INO80D: variants seen among roughly 807,000 people sequenced by gnomAD.
INO80D encodes INO80 complex subunit D.
In INO80D, 21 loss-of-function variants were observed where a neutral mutation model predicts 87.6. The ratio of observed to expected loss-of-function variants is 0.24; its 90% CI spans 0.17 to 0.35. The LOEUF is 0.35. INO80D is among the 10% of genes least tolerant of loss of function. INO80D has a pLI of 1.00. For synonymous variants in INO80D, 440 were observed against 491.0 expected (o/e 0.90, Z 1.37); for missense variants, 982 against 1,280.7 (o/e 0.77, Z 3.56).
rs1046064247 is a variant in INO80D at position 206,085,027 on chromosome 2, G to A, written c.-124+874C>T. 5.3e-5 allele frequency among the ~76,000 whole-genome samples: 8 copies of A among 152,032 alleles called. No homozygotes were observed. The highest frequency in any genetic ancestry group is 1.2e-4 in the Non-Finnish European group (8 of 67,994). On this transcript the variant is annotated intron_variant, in intron 1 of 10. Coordinates refer to ENST00000403263, the MANE Select transcript of INO80D (RefSeq NM_017759.5). This position sits in a 1 kb window ranked among gnomAD's most constrained non-coding sequence, Gnocchi z 4.5. ...GGGGAGTTGGGTGGGGCGCGGGCGA[G>A]GGGTGCAGGGGCGGAGTACCTTCTT...
At chr2:206,048,701 C>T (rs1689264072) in intron 4 of INO80D, among the ~76,000 whole-genome samples, 1 of 152,112 alleles carries the variant, frequency 6.6e-6, no homozygotes, top group African/African-American at 2.4e-5. Flanking sequence ...AGAGACCAGC[C>T]TGGGTAACAC....
rs1331698857 is a variant in INO80D at position 206,078,485 on chromosome 2, C to A, written c.-124+7416G>T. Among the ~76,000 whole-genome samples, 10 of 152,262 alleles carry A rather than the reference C, an allele frequency of 6.6e-5. No homozygotes were observed. In the Middle Eastern group the frequency reaches 0.014, roughly 207 times the overall value. ...AATACCTTAATTGTTTTCATGTCAG[C>A]AGCTCCTTTAAACTTTTGAACATAT... On this transcript the variant is annotated intron_variant, in intron 1 of 10. Coordinates refer to ENST00000403263, the MANE Select transcript of INO80D (RefSeq NM_017759.5).
chr2:206,083,799 A>G (rs1251417654), intron 1 of INO80D, among the ~76,000 whole-genome samples: 1 of 144,158 alleles, frequency 6.9e-6, no homozygotes, highest in Non-Finnish European at 1.5e-5. Context: ...CCTGCCAGCA[A>G]CTCCAGCCTG....
chr2:206,067,644 G>T (rs1054313345), intron 1 of INO80D, among the ~76,000 whole-genome samples: 1 of 152,044 alleles, frequency 6.6e-6, no homozygotes, highest in Non-Finnish European at 1.5e-5. Flanking sequence ...TTTAAATTTA[G>T]CTGCCCTGGA....
chr2:206,060,799 AT>A (rs891738302), intron 3 of INO80D, among the ~76,000 whole-genome samples: 3 of 152,048 alleles, frequency 2.0e-5, no homozygotes, highest in Non-Finnish European at 2.9e-5. Flanking sequence ...ACCTCAGGTG[AT>A]CCACCCACCT....
At chr2:206,051,572 C>A (rs1689372091) in intron 4 of INO80D, among the ~76,000 whole-genome samples, 1 of 152,066 alleles carries the variant, frequency 6.6e-6, no homozygotes, top group African/African-American at 2.4e-5. Flanking sequence ...TCCAAAATAG[C>A]AGTTCTGAAA....
rs1267307194 is a variant in INO80D at position 205,999,693 on chromosome 2, T to C, written c.*4675A>G. 1 of 152,216 alleles carries C rather than the reference T, an allele frequency of 6.6e-6. No homozygotes were observed. The highest frequency in any genetic ancestry group is 1.9e-4 in the East Asian group (1 of 5,198). 9.4% of individuals were successfully genotyped at this position (152,216 alleles called of 1,614,324 possible). The stretch of plus-strand genomic sequence containing the variant: ...ATAACTATTCATTTATGTTTTATGT[T>C]TTCTTTCCTAATTCATTAGTCAGGG... On this transcript the variant is annotated 3_prime_UTR_variant, in exon 11 of 11. Transcript: ENST00000403263.
intron 3 of INO80D, among the ~76,000 whole-genome samples, chr2:206,060,564 C>CT (rs375906117): frequency 0.3 from 43,504 of 143,232 alleles, 6,866 homozygotes; most frequent in Admixed American, 0.37. Context: ...CAACTTAGTG[C>CT]TTTTTTTTTT....
rs1209896288 is a variant in INO80D, at chr2:206,004,220, C to T, written c.*148G>A. 4.2e-6 allele frequency: 3 copies of T among 720,324 alleles called. No individual in the cohort carries two copies. The African/African-American group carries it at 5.3e-5, about 13-fold the overall frequency. 44.6% of individuals were successfully genotyped at this position (720,324 alleles called of 1,614,324 possible). On this transcript the variant is annotated 3_prime_UTR_variant, in exon 11 of 11. Coordinates refer to ENST00000403263, the MANE Select transcript of INO80D (RefSeq NM_017759.5). The surrounding 1 kb of genome is among the most constrained non-coding windows in gnomAD (Gnocchi z 4.9). ...GTGAACACTGTAGCGAGGTCCACTG[C>T]AGGGCCACTCATTGAACTGGGAAGG...
rs777052328 is a variant in INO80D at position 206,004,988 on chromosome 2, G to A, written c.2464C>T (p.His822Tyr). Reference sequence around the variant, plus strand: ...TAATGGCTTCCATGGGGTGAGGAGTGTGAGTGATCACTGCTGTATTGCTGT... The same window carrying A: ...TAATGGCTTCCATGGGGTGAGGAGTATGAGTGATCACTGCTGTATTGCTGT... ...SRQQYSSDHS[H>Y]SSPHGSHYDS... The change falls in exon 11 of 11, where the codon CAC becomes TAC. Residue 822 changes from histidine to tyrosine, a missense_variant. His to Tyr is a moderately conservative substitution (Grantham distance 83, BLOSUM62 2). Transcript: ENST00000403263. The surrounding 1 kb of genome is among the most constrained non-coding windows in gnomAD (Gnocchi z 4.9). The A allele has an allele frequency of 1.2e-6, 2 of 1,614,024 alleles. No homozygotes were observed. Among genetic ancestry groups the A allele is most frequent in the African/African-American group, 1.3e-5 (1 of 75,050 alleles).
chr2:206,075,282 C>T (rs1256072799), intron 1 of INO80D, among the ~76,000 whole-genome samples: 1 of 152,128 alleles, frequency 6.6e-6, no homozygotes, highest in Non-Finnish European at 1.5e-5. Context: ...ACCACTTGAT[C>T]ACCTCCATGT....
In INO80D at chr2:205,996,612, G is replaced by A. The variant is rs1016659647; in HGVS notation, c.*7756C>T. On this transcript the variant is annotated 3_prime_UTR_variant, in exon 11 of 11. Transcript: ENST00000403263. The stretch of plus-strand genomic sequence containing the variant: ...ACACACATTTTTAAGGGAAATATAT[G>A]TATATAGCTTTATCTATACACACAC... 6.6e-6 allele frequency: 1 copy of A among 151,860 alleles called. No individual in the cohort carries two copies. The highest frequency in any genetic ancestry group is 2.4e-5 in the African/African-American group (1 of 41,330). 9.4% of individuals were successfully genotyped at this position (151,860 alleles called of 1,614,324 possible). A position where few individuals can be genotyped will look rare whatever the true frequency, so the allele number is the denominator to read the frequency against.
chr2:206,034,722 T>C (rs1403819089), intron 5 of INO80D, among the ~76,000 whole-genome samples: 10 of 151,900 alleles, frequency 6.6e-5, no homozygotes, highest in East Asian at 1.9e-4. Context: ...CTCTTCAACA[T>C]AGTACTGGAA....
At chr2:206,029,701 A>G (rs1688710769) in intron 5 of INO80D, among the ~76,000 whole-genome samples, 1 of 151,972 alleles carries the variant, frequency 6.6e-6, no homozygotes, top group Non-Finnish European at 1.5e-5. Flanking sequence ...CAGATCTACA[A>G]ATTGAAGGAC....
intron 4 of INO80D, among the ~76,000 whole-genome samples, chr2:206,052,844 TATAA>T (rs1689410923): frequency 1.3e-5 from 2 of 152,162 alleles, no homozygotes; most frequent in South Asian, 4.1e-4. Flanking sequence ...TCTAATACAG[TATAA>T]ATAGATACAA....
intron 1 of INO80D, among the ~76,000 whole-genome samples, chr2:206,079,750 C>T (rs951554231): frequency 2.6e-5 from 4 of 152,184 alleles, no homozygotes; most frequent in Non-Finnish European, 2.9e-5. Context: ...CTGCTTGTCA[C>T]GTAAAAGAAA....
At position 205,994,159 on chromosome 2, in the gene INO80D, T is replaced by C. The variant is rs1401023512; in HGVS notation, c.*10209A>G. The C allele has an allele frequency of 6.6e-6, 1 of 152,170 alleles. No individual in the cohort carries two copies. Among genetic ancestry groups the C allele is most frequent in the African/African-American group, 2.4e-5 (1 of 41,428 alleles). 9.4% of individuals were successfully genotyped at this position (152,170 alleles called of 1,614,324 possible). A position where few individuals can be genotyped will look rare whatever the true frequency, so the allele number is the denominator to read the frequency against. On this transcript the variant is annotated 3_prime_UTR_variant, in exon 11 of 11. Transcript: ENST00000403263. ...CCATCTCCTCATCTTGCTCCTACAG[T>C]CTGTGCAGAAACAAGTGGCTCCTAA...
At chr2:206,084,323 C>G (rs927361746) in intron 1 of INO80D, among the ~76,000 whole-genome samples, 2 of 151,660 alleles carry the variant, frequency 1.3e-5, no homozygotes, top group Non-Finnish European at 2.9e-5. Flanking sequence ...TTCCACAGAC[C>G]CTTCTGAGTT....
At chr2:206,040,055 G>A (rs890822872) in intron 5 of INO80D, among the ~76,000 whole-genome samples, 22 of 151,770 alleles carry the variant, frequency 1.4e-4, no homozygotes, top group African/African-American at 4.8e-4. Context: ...CACTTTGGGA[G>A]GCCAAGGTAG....
Sources: allele counts gnomAD v4.1 joint callset (sites outside exome capture counted in the v4.1 genomes callset), GRCh38; gene constraint gnomAD v4.1.1; non-coding constraint Gnocchi (gnomAD v3.1); transcripts MANE v1.5; gene names NCBI Gene and HGNC (gene_info 2026-07-23, HGNC 2026-07-21).